The following TCF12 variants were observed in gnomAD, a reference collection of about 807,000 sequenced individuals.
The protein encoded by TCF12 is DNA-binding protein HTF4.
A neutral mutation model predicts 86.0 loss-of-function variants in TCF12; 45 were observed. The ratio of observed to expected loss-of-function variants is 0.52; its 90% CI spans 0.41 to 0.67. The LOEUF is 0.67. Ranked by LOEUF, TCF12 falls within the 30% of genes least tolerant of loss-of-function variation. TCF12 has a pLI of 0.00. For synonymous variants in TCF12, 330 were observed against 299.6 expected, an observed-to-expected ratio of 1.10 and a Z score of -1.05; for missense variants, 881 against 859.9, an observed-to-expected ratio of 1.02 and a Z score of -0.31.
chr15:56,918,500 G>C, upstream of TCF12: 1 of 316,894 alleles, frequency 3.2e-6, no homozygotes, highest in Non-Finnish European at 6.2e-6. Flanking sequence ...CGCGGGCTTT[G>C]TCCACCCGCC....
At chr15:57,235,767 C>A (rs2059355174) in intron 12 of TCF12, among the ~76,000 whole-genome samples, 1 of 152,152 alleles carries the variant, frequency 6.6e-6, no homozygotes, top group Middle Eastern at 3.4e-3. Context: ...AAAATTTAAC[C>A]TGCATTTTGG....
At chr15:57,170,702 T>TAAA in intron 6 of TCF12, among the ~76,000 whole-genome samples, 2 of 6,216 alleles carry the variant, frequency 3.2e-4, no homozygotes, top group Non-Finnish European at 6.3e-4. Context: ...ATATATTATA[T>TAAA]ATAATATATA....
chr15:57,283,759 TGATA>T (rs1157591467), intron 20 of TCF12, among the ~76,000 whole-genome samples: 1 of 152,216 alleles, frequency 6.6e-6, no homozygotes, highest in Non-Finnish European at 1.5e-5. Context: ...ATAGATTGTT[TGATA>T]GATAAACTAC....
At chr15:57,172,380 A>G (rs560116973) in intron 6 of TCF12, among the ~76,000 whole-genome samples, 17 of 152,352 alleles carry the variant, frequency 1.1e-4, no homozygotes, top group African/African-American at 3.8e-4. Context: ...TTAACTATCG[A>G]CAACCTTGAC....
chr15:57,217,700 AAAAG>A (rs1184800889), intron 8 of TCF12, among the ~76,000 whole-genome samples: 2 of 152,200 alleles, frequency 1.3e-5, no homozygotes, highest in Admixed American at 1.3e-4. Flanking sequence ...AATTAATAGA[AAAAG>A]AAAATTTTGA....
At chr15:57,119,814 T>G (rs1454132430) in intron 5 of TCF12, among the ~76,000 whole-genome samples, 1 of 152,152 alleles carries the variant, frequency 6.6e-6, no homozygotes, top group East Asian at 1.9e-4. Context: ...AGCTTTCCCA[T>G]AGTACTTTAT....
In TCF12 at chr15:57,259,791, TCAGA is replaced by T. The variant is rs1345342252; in HGVS notation, c.1468-2300_1468-2297del. Reference sequence around the variant, plus strand: ...CTGGCTGGCCCCACAGGCTCTAGGCTCAGACAAAGAACTGTTTATACACCTGTTG... The same window carrying T: ...CTGGCTGGCCCCACAGGCTCTAGGCTCAAAGAACTGTTTATACACCTGTTG... On this transcript the variant is annotated intron_variant, in intron 16 of 20. Coordinates refer to ENST00000333725, the MANE Select transcript of TCF12 (RefSeq NM_207037.2). Among the ~76,000 whole-genome samples the T allele has an allele frequency of 1.6e-4, 25 of 152,292 alleles. 1 individual carries two copies. The highest frequency in any genetic ancestry group is 1.2e-3 in the Admixed American group (18 of 15,292).
chr15:57,186,313 A>G (rs1426913725), intron 6 of TCF12, among the ~76,000 whole-genome samples: 1 of 152,182 alleles, frequency 6.6e-6, no homozygotes, highest in African/African-American at 2.4e-5. Context: ...ACCCTGGGCA[A>G]TGTGGTAAGA....
chr15:56,967,972 T>C (rs1216573137), intron 3 of TCF12, among the ~76,000 whole-genome samples: 2 of 152,142 alleles, frequency 1.3e-5, no homozygotes, highest in Non-Finnish European at 2.9e-5. Context: ...GTTTGTTTTT[T>C]TGAGGCAGAG....
At chr15:57,190,858 T>C (rs1206413806) in intron 6 of TCF12, among the ~76,000 whole-genome samples, 1 of 152,124 alleles carries the variant, frequency 6.6e-6, no homozygotes, top group Non-Finnish European at 1.5e-5. Context: ...AGCATATACA[T>C]TGGTTGACAG....
chr15:57,007,824 C>CTT lies in TCF12; in HGVS notation c.149-55924_149-55923dup, dbSNP rs1319253528. Among the ~76,000 whole-genome samples, 261 of 126,068 alleles carry CTT rather than the reference C, an allele frequency of 2.1e-3. 1 individual carries two copies. The highest frequency in any genetic ancestry group is 5.0e-3 in the African/African-American group (162 of 32,724). The allele number at this position is 126,068 out of a possible 152,430, so 82.7% of individuals were successfully genotyped here. A position where few individuals can be genotyped will look rare whatever the true frequency, so the allele number is the denominator to read the frequency against. ...TTTCTTTCTTTCTTTCTTTCTTTTT[C>CTT]TTTCTTTCTTTCTTTCTCTCTTTCC... is the stretch of plus-strand genomic sequence containing the variant. On this transcript the variant is annotated intron_variant, in intron 3 of 20. Transcript: ENST00000333725.
chr15:57,042,019 A>G (rs1057104033), intron 3 of TCF12, among the ~76,000 whole-genome samples: 17 of 152,180 alleles, frequency 1.1e-4, no homozygotes, highest in African/African-American at 3.9e-4. Context: ...TGTTGGCAAC[A>G]TATTTTATAT....
At chr15:56,944,366 T>A (rs1479323153) in intron 3 of TCF12, among the ~76,000 whole-genome samples, 3 of 152,192 alleles carry the variant, frequency 2.0e-5, no homozygotes, top group Non-Finnish European at 4.4e-5. Context: ...TCAGTTTTAT[T>A]TTCAGCCGAG....
chr15:57,232,700 CTT>C lies in TCF12; in HGVS notation c.826-10_826-9del. 1 of 1,607,726 alleles carries C rather than the reference CTT, an allele frequency of 6.2e-7. No homozygotes were observed. The highest frequency in any genetic ancestry group is 8.5e-7 in the Non-Finnish European group (1 of 1,177,514). On this transcript the variant is annotated splice_polypyrimidine_tract_variant and intron_variant, in intron 10 of 20. Coordinates refer to ENST00000333725, the MANE Select transcript of TCF12 (RefSeq NM_207037.2). Reference sequence around the variant, plus strand: ...AAAATATATTTAATAGATCATATCTCTTTCCATCTAGAGTTATCCTCCACACT... The same window carrying C: ...AAAATATATTTAATAGATCATATCTCTCCATCTAGAGTTATCCTCCACACT...
intron 4 of TCF12, among the ~76,000 whole-genome samples, chr15:57,087,625 G>T (rs2733193): frequency 2.0e-5 from 3 of 151,932 alleles, no homozygotes; most frequent in Admixed American, 2.0e-4. Flanking sequence ...GAAGTATTAT[G>T]CATTCATAGA....
intron 6 of TCF12, among the ~76,000 whole-genome samples, chr15:57,178,993 A>G (rs1307698483): frequency 6.6e-6 from 1 of 151,970 alleles, no homozygotes; most frequent in Non-Finnish European, 1.5e-5. Flanking sequence ...CTCTACTGTG[A>G]TATCTTCTCA....
At position 57,112,158 on chromosome 15, in the gene TCF12, G is replaced by A. The variant is rs148790967; in HGVS notation, c.325+20267G>A. On this transcript the variant is annotated intron_variant, in intron 5 of 20. Transcript: ENST00000333725. ...AAAACTTTTTAGTCCAGAAACATGAGCCTGCTGACAGCTGAGGGCTCTAGC... is the reference window on the plus strand; with the variant it reads ...AAAACTTTTTAGTCCAGAAACATGAACCTGCTGACAGCTGAGGGCTCTAGC... Among the ~76,000 whole-genome samples, 149 of 152,316 alleles carry A rather than the reference G, an allele frequency of 9.8e-4. 1 individual carries two copies. Among genetic ancestry groups the A allele is most frequent in the African/African-American group, 3.3e-3 (137 of 41,570 alleles).
chr15:57,207,868 T>C (rs997814006), intron 8 of TCF12, among the ~76,000 whole-genome samples: 2 of 152,000 alleles, frequency 1.3e-5, no homozygotes, highest in Non-Finnish European at 2.9e-5. Context: ...AGAAAACTTA[T>C]TTGCTACTAG....
chr15:57,228,491 A>G (rs1401793540), intron 8 of TCF12, among the ~76,000 whole-genome samples: 2 of 152,052 alleles, frequency 1.3e-5, no homozygotes, highest in African/African-American at 4.8e-5. Flanking sequence ...TTTGAAAGAA[A>G]TAGCATTAAA....
Sources: gnomAD v4.1 joint callset for allele counts (sites outside exome capture counted in the v4.1 genomes callset) on GRCh38, gnomAD v4.1.1 for gene constraint, MANE v1.5 for transcripts, NCBI Gene and HGNC (gene_info 2026-07-23, HGNC 2026-07-21) for gene names.